The following OSBPL7 variants were observed in gnomAD, a reference collection of about 807,000 sequenced individuals.
OSBPL7 encodes oxysterol binding protein like 7, also known as oxysterol-binding protein-related protein 7.
A neutral mutation model predicts 115.8 loss-of-function variants in OSBPL7; 66 were observed. The observed-to-expected ratio is 0.57, with a 90% CI of 0.47 to 0.70. The LOEUF (loss-of-function observed/expected upper bound fraction) is 0.70. Among genes scored for constraint, OSBPL7 ranks in the 30% least tolerant of loss-of-function variants. The pLI, the probability that OSBPL7 is intolerant of heterozygous loss-of-function variation, is 0.00. For missense variants in OSBPL7, 902 were observed against 1,125.5 expected (o/e 0.80, Z 2.84); for synonymous variants, 441 against 439.2 (o/e 1.00, Z -0.05).
chr17:47,816,017 A>C lies in OSBPL7; in HGVS notation c.1119+90T>G. The stretch of plus-strand genomic sequence containing the variant: ...TTTTGGGCTGTCTTTGGGACTAAAA[A>C]CCAACTTTGCCCACTGCCCTGGGCC... On this transcript the variant is annotated intron_variant, in intron 12 of 22. Transcript: ENST00000007414. This position sits in a 1 kb window ranked among gnomAD's most constrained non-coding sequence, Gnocchi z 5.8. 8.0e-7 allele frequency: 1 copy of C among 1,247,616 alleles called. No homozygotes were observed. Among genetic ancestry groups the C allele is most frequent in the South Asian group, 1.6e-5 (1 of 64,504 alleles). 77.3% of individuals were successfully genotyped at this position (1,247,616 alleles called of 1,614,324 possible).
In OSBPL7 at chr17:47,820,304, T is replaced by G. The variant is rs1243898082; in HGVS notation, c.-26A>C. 1.2e-6 allele frequency: 2 copies of G among 1,609,178 alleles called. No individual in the cohort carries two copies. Among genetic ancestry groups the G allele is most frequent in the African/African-American group, 1.3e-5 (1 of 74,834 alleles). On this transcript the variant is annotated 5_prime_UTR_variant, in exon 2 of 23. Transcript: ENST00000007414. The stretch of plus-strand genomic sequence containing the variant: ...GGAGAAGGGAGAGGCCACTCCCTGC[T>G]GGGGATGTAGAGCAGGGAGCAGGGT...
chr17:47,818,968 G>C lies in OSBPL7; in HGVS notation c.369+18C>G. The C allele has an allele frequency of 1.2e-6, 2 of 1,606,188 alleles. No homozygotes were observed. Among genetic ancestry groups the C allele is most frequent in the Non-Finnish European group, 8.5e-7 (1 of 1,172,900 alleles). On this transcript the variant is annotated intron_variant, in intron 5 of 22. Coordinates refer to ENST00000007414, the MANE Select transcript of OSBPL7 (RefSeq NM_145798.3). ...CAGGTTGGGGGCCAACACACGTCCT[G>C]CCTCCCAGGGATGTCACCTTGAGGT...
rs541254464 is a variant in OSBPL7 at position 47,809,487 on chromosome 17, G to T, written c.1881-9C>A. 1.2e-6 allele frequency: 2 copies of T among 1,609,038 alleles called. No individual in the cohort carries two copies. The highest frequency in any genetic ancestry group is 1.7e-6 in the Non-Finnish European group (2 of 1,175,972). ...CAAAGTGGTCCCCAAACCTGAGAAAGACAAGGTATGGAAGGGCAGCTGGCT... is the reference window on the plus strand; with the variant it reads ...CAAAGTGGTCCCCAAACCTGAGAAATACAAGGTATGGAAGGGCAGCTGGCT... On this transcript the variant is annotated splice_polypyrimidine_tract_variant and intron_variant, in intron 18 of 22. Transcript: ENST00000007414.
rs929171250 is a variant in OSBPL7 at position 47,808,861 on chromosome 17, G to A, written c.2297+3C>T. On this transcript the variant is annotated splice_donor_region_variant and intron_variant, in intron 21 of 22. Transcript: ENST00000007414. This position sits in a 1 kb window ranked among gnomAD's most constrained non-coding sequence, Gnocchi z 6.1. Reference sequence around the variant, plus strand: ...TCTAGGCCGGCACCCATCCGGCACTGACCTCTGGTCTGGCCGGAGTCTCGT... The same window carrying A: ...TCTAGGCCGGCACCCATCCGGCACTAACCTCTGGTCTGGCCGGAGTCTCGT... 2.5e-6 allele frequency: 4 copies of A among 1,614,070 alleles called. No homozygotes were observed. In the South Asian group the frequency reaches 4.4e-5, roughly 18 times the overall value.
chr17:47,812,533 A>C (rs1292632289), intron 16 of OSBPL7, among the ~76,000 whole-genome samples: 1 of 152,146 alleles, frequency 6.6e-6, no homozygotes, highest in Non-Finnish European at 1.5e-5. Context: ...ACCACCATGC[A>C]CCCACTGAAT....
At chr17:47,809,778 T>C (rs772485342) in intron 18 of OSBPL7, among the ~76,000 whole-genome samples, 7 of 152,236 alleles carry the variant, frequency 4.6e-5, no homozygotes, top group Non-Finnish European at 1.0e-4. Flanking sequence ...TCACATCCGT[T>C]ATCCTGCTTA....
chr17:47,818,499 A>C lies in OSBPL7; in HGVS notation c.480+7T>G. 1 of 1,594,250 alleles carries C rather than the reference A, an allele frequency of 6.3e-7. No homozygotes were observed. On this transcript the variant is annotated splice_region_variant and intron_variant, in intron 6 of 22. Transcript: ENST00000007414. ...ATTACCTGCCCCCACCCCAGGGTCC[A>C]CCTTACCTTCCGGTGAGCAGTACTG...
Position 47,819,729 on chromosome 17 carries a change from G to A in OSBPL7, c.255C>T (p.Asp85=), listed in dbSNP as rs376467575. Residue 85 remains aspartate, a splice_region_variant and synonymous_variant, in exon 4 of 23, where the codon GAC becomes GAT. Coordinates refer to ENST00000007414, the MANE Select transcript of OSBPL7 (RefSeq NM_145798.3). ...ACCCCAAGCCACTGCCCGGGCTCAC[G>A]TCTTGCCGGGTTGTTGCATAATGAA... ...GILHYATTRQ[D]ITKGKLHGSI... The A allele has an allele frequency of 1.7e-5, 28 of 1,613,980 alleles. No individual in the cohort carries two copies. Among genetic ancestry groups the A allele is most frequent in the South Asian group, 8.8e-5 (8 of 91,092 alleles).
At chr17:47,817,229 G>A (rs1228409412) in intron 8 of OSBPL7, 27 bp downstream of exon 8, 1 of 1,545,938 alleles carries the variant, frequency 6.5e-7, no homozygotes, top group African/African-American at 1.4e-5. Context: ...GCCTGAGCAG[G>A]ACCCTGTGTG....
chr17:47,813,557 G>A, intron 15 of OSBPL7, 30 bp downstream of exon 15: 1 of 1,598,778 alleles, frequency 6.3e-7, no homozygotes, highest in Middle Eastern at 1.7e-4. Flanking sequence ...AAGCAGCCTT[G>A]GGCTGGGCGT....
intron 13 of OSBPL7, 28 bp from the exon 14 acceptor site, chr17:47,814,642 C>T (rs754986514): frequency 6.2e-7 from 1 of 1,604,232 alleles, no homozygotes; most frequent in Non-Finnish European, 8.5e-7. Flanking sequence ...ACAGGCCGGG[C>T]AGACTGGGCC....
At position 47,808,232 on chromosome 17, in the gene OSBPL7, G is replaced by T; in HGVS notation, c.*59C>A. 1 of 1,349,504 alleles carries T rather than the reference G, an allele frequency of 7.4e-7. No homozygotes were observed. The highest frequency in any genetic ancestry group is 1.4e-5 in the African/African-American group (1 of 69,710). The allele number at this position is 1,349,504 out of a possible 1,614,324, so 83.6% of individuals were successfully genotyped here. A position where few individuals can be genotyped will look rare whatever the true frequency, so the allele number is the denominator to read the frequency against. On this transcript the variant is annotated 3_prime_UTR_variant, in exon 23 of 23. Coordinates refer to ENST00000007414, the MANE Select transcript of OSBPL7 (RefSeq NM_145798.3). The surrounding 1 kb of genome is among the most constrained non-coding windows in gnomAD (Gnocchi z 6.1). ...AGCCCGGCCTCACCCATGTGTCCAT[G>T]GTAGGGGGTGGAGGCAGGAGGAGTG...
At position 47,813,358 on chromosome 17, in the gene OSBPL7, G is replaced by A. The variant is rs1418417777; in HGVS notation, c.1645C>T (p.His549Tyr). Residue 549 changes from histidine (H) to tyrosine (Y), a missense_variant, in exon 16 of 23, where the codon CAC becomes TAC. Around this residue, in one of 3 missense-constraint regions of OSBPL7, gnomAD observed 667 missense variants for 788.7 expected, o/e 0.85. Coordinates refer to ENST00000007414, the MANE Select transcript of OSBPL7 (RefSeq NM_145798.3). ...FAVSAYSSTY[H>Y]RAGCKPFNPV... is the part of the protein sequence containing the mutation. ...TTGAAGGGCTTGCAGCCGGCTCGGT[G>A]GTATGTGGAGGAGTAGGCCGAGACA... is the stretch of plus-strand genomic sequence containing the variant. 5.6e-6 allele frequency: 9 copies of A among 1,614,088 alleles called. No homozygotes were observed. The highest frequency in any genetic ancestry group is 5.0e-5 in the Admixed American group (3 of 60,020).
In OSBPL7 at chr17:47,816,371, T is replaced by A. The variant is rs746322740; in HGVS notation, c.1023+17A>T. 1 of 1,492,108 alleles carries A rather than the reference T, an allele frequency of 6.7e-7. No homozygotes were observed. The highest frequency in any genetic ancestry group is 1.4e-5 in the African/African-American group (1 of 71,470). The allele number at this position is 1,492,108 out of a possible 1,614,324, so 92.4% of individuals were successfully genotyped here. On this transcript the variant is annotated intron_variant, in intron 11 of 22. Coordinates refer to ENST00000007414, the MANE Select transcript of OSBPL7 (RefSeq NM_145798.3). The surrounding 1 kb of genome is among the most constrained non-coding windows in gnomAD (Gnocchi z 5.8). ...AGCCCTCTCCCCGCACCAGTCACCC[T>A]GTCCCCCAGGCCTCACCCCCATTCT...
At chr17:47,818,779 G>A (rs1346175141) in intron 5 of OSBPL7, among the ~76,000 whole-genome samples, 163 bp from the exon 6 acceptor site, 3 of 152,282 alleles carry the variant, frequency 2.0e-5, no homozygotes, top group African/African-American at 7.2e-5. Flanking sequence ...GCGCCCAGGT[G>A]TCTGAGCCCT....
At chr17:47,813,972 G>A in intron 14 of OSBPL7, 138 bp from the exon 15 acceptor site, 1 of 1,191,664 alleles carries the variant, frequency 8.4e-7, no homozygotes. Context: ...TCGACTCACA[G>A]CAGGGCAGGG....
Position 47,809,209 on chromosome 17 carries a change from C to T in OSBPL7, c.2037G>A (p.Trp679Ter). 3 of 1,614,152 alleles carry T rather than the reference C, an allele frequency of 1.9e-6. No homozygotes were observed. Among genetic ancestry groups the T allele is most frequent in the Non-Finnish European group, 2.5e-6 (3 of 1,180,032 alleles). ...CKITFCKAKYWSSNVHEVQGA... is the reference protein window; with the variant it reads ...CKITFCKAKY Reference sequence around the variant, plus strand: ...CCTGCACCTCGTGGACATTGGAACTCCAGTACTTGGCCTGGGGTGGGGAAG... The same window carrying T: ...CCTGCACCTCGTGGACATTGGAACTTCAGTACTTGGCCTGGGGTGGGGAAG... The change falls in exon 20 of 23, where the codon TGG becomes TGA. Residue 679 changes from tryptophan to a stop codon, truncating the protein, a stop_gained. Coordinates refer to ENST00000007414, the MANE Select transcript of OSBPL7 (RefSeq NM_145798.3). LOFTEE classifies it high-confidence loss of function.
Position 47,819,558 on chromosome 17 carries a change from G to A in OSBPL7, c.255+171C>T, listed in dbSNP as rs115040849. 1,253 of 745,058 alleles carry A rather than the reference G, an allele frequency of 1.7e-3. 14 individuals carry two copies. In the African/African-American group the frequency reaches 0.02, roughly 12 times the overall value. 46.2% of individuals were successfully genotyped at this position (745,058 alleles called of 1,614,324 possible). On this transcript the variant is annotated intron_variant, in intron 4 of 22. Transcript: ENST00000007414. ...CCTGGGGGATGGTGCTCTCCCATTA[G>A]AGGTGAGGAAGCTATGGCCCAGGGA...
Position 47,813,700 on chromosome 17 carries a change from T to C in OSBPL7, c.1486A>G (p.Met496Val), listed in dbSNP as rs2143536724. ...AGCGGCTCGTTGAGCTGCACAGGCA[T>C]TGACACCTTGGACAGGTCTTTGCCG... is the stretch of plus-strand genomic sequence containing the variant. The part of the protein sequence containing the change: ...NIGKDLSKVS[M>V]PVQLNEPLNT... The change falls in exon 15 of 23, where the codon ATG becomes GTG. Residue 496 changes from methionine to valine, a missense_variant. Physicochemically the swap from Met to Val is conservative, Grantham distance 21. Around this residue, in one of 3 missense-constraint regions of OSBPL7, gnomAD observed 667 missense variants for 788.7 expected, o/e 0.85. Transcript: ENST00000007414. 6.2e-7 allele frequency: 1 copy of C among 1,613,446 alleles called. No homozygotes were observed. The highest frequency in any genetic ancestry group is 8.5e-7 in the Non-Finnish European group (1 of 1,180,008).
Sources: gnomAD v4.1 joint callset for allele counts (sites outside exome capture counted in the v4.1 genomes callset) on GRCh38, gnomAD v4.1.1 for gene constraint, gnomAD v4.1.1 regional missense constraint, Gnocchi (gnomAD v3.1) non-coding constraint, MANE v1.5 for transcripts, NCBI Gene and HGNC (gene_info 2026-07-23, HGNC 2026-07-21) for gene names.